Variants in LRFN5 observed in about 807,000 individuals in gnomAD.
The protein encoded by LRFN5 is leucine-rich repeat and fibronectin type-III domain-containing protein 5.
A neutral mutation model predicts 45.6 loss-of-function variants in LRFN5; 24 were observed. The observed-to-expected ratio is 0.53, with a 90% CI of 0.38 to 0.74. The LOEUF is 0.74. LRFN5 is among the 30% of genes least tolerant of loss of function. The probability of loss-of-function intolerance (pLI) is 0.00; values close to 1 mark genes in which losing one functional copy is unlikely to be tolerated. For missense variants in LRFN5, 776 were observed against 861.5 expected (o/e 0.90, Z 1.24); for synonymous variants, 340 against 313.8 (o/e 1.08, Z -0.88).
chr14:41,610,305 CTG>C (rs1200495657), intron 1 of LRFN5, among the ~76,000 whole-genome samples: 1 of 152,164 alleles, frequency 6.6e-6, no homozygotes, highest in African/African-American at 2.4e-5. Flanking sequence ...GGAAGGAAAG[CTG>C]GCTACAAAAA....
intron 1 of LRFN5, among the ~76,000 whole-genome samples, chr14:41,711,148 A>G (rs528039766): frequency 6.6e-6 from 1 of 152,300 alleles, no homozygotes; most frequent in Admixed American, 6.5e-5. Flanking sequence ...ACATCTTACT[A>G]CAAAGATGAA....
At chr14:41,747,556 C>T (rs1275929209) in intron 1 of LRFN5, among the ~76,000 whole-genome samples, 3 of 151,968 alleles carry the variant, frequency 2.0e-5, no homozygotes, top group African/African-American at 7.2e-5. Flanking sequence ...ACACTGACAA[C>T]TATAACCTCT....
At chr14:41,873,400 GGAGAA>G (rs1480800555) in intron 2 of LRFN5, among the ~76,000 whole-genome samples, 1 of 138,356 alleles carries the variant, frequency 7.2e-6, no homozygotes, top group African/African-American at 2.7e-5. Flanking sequence ...GAAAGAGAGA[GGAGAA>G]AGAGAGAGAG....
chr14:41,734,374 T>G (rs1158262427), intron 1 of LRFN5, among the ~76,000 whole-genome samples: 1 of 100,842 alleles, frequency 9.9e-6, no homozygotes, highest in Non-Finnish European at 2.1e-5. Flanking sequence ...ATTGATGAAT[T>G]GACCTTTTAT....
At chr14:41,677,782 G>A (rs1318724464) in intron 1 of LRFN5, among the ~76,000 whole-genome samples, 1 of 152,018 alleles carries the variant, frequency 6.6e-6, no homozygotes, top group African/African-American at 2.4e-5. Context: ...TATGTTGTGA[G>A]TATCAAAAGA....
At chr14:41,772,032 G>GT (rs1320336447) in intron 2 of LRFN5, among the ~76,000 whole-genome samples, 2 of 152,132 alleles carry the variant, frequency 1.3e-5, no homozygotes, top group African/African-American at 2.4e-5. Context: ...TCTGCTTTTG[G>GT]TGAGGGCCTT....
At chr14:41,682,792 TAACAAG>T (rs997877386) in intron 1 of LRFN5, among the ~76,000 whole-genome samples, 2 of 152,088 alleles carry the variant, frequency 1.3e-5, no homozygotes, top group African/African-American at 4.8e-5. Flanking sequence ...GAGCAGTAAG[TAACAAG>T]ATTAAAGACA....
chr14:41,747,383 C>A (rs1566650000), intron 1 of LRFN5, among the ~76,000 whole-genome samples: 3 of 151,958 alleles, frequency 2.0e-5, no homozygotes, highest in Admixed American at 1.3e-4. Flanking sequence ...CAAACCCTTG[C>A]ATGTGTGGAC....
intron 2 of LRFN5, among the ~76,000 whole-genome samples, chr14:41,861,100 G>A (rs1175051912): frequency 6.6e-6 from 1 of 152,062 alleles, no homozygotes; most frequent in Non-Finnish European, 1.5e-5. Context: ...AATTTAATAT[G>A]TTATCTCCCA....
At chr14:41,632,583 A>G (rs542056208) in intron 1 of LRFN5, among the ~76,000 whole-genome samples, 10 of 152,336 alleles carry the variant, frequency 6.6e-5, no homozygotes, top group East Asian at 3.9e-4. Flanking sequence ...AGCATGGGCA[A>G]TAAGAGAGAT....
At chr14:41,644,590 G>C (rs927296100) in intron 1 of LRFN5, among the ~76,000 whole-genome samples, 6 of 152,132 alleles carry the variant, frequency 3.9e-5, no homozygotes, top group Non-Finnish European at 7.4e-5. Context: ...TGTGTTTTGT[G>C]TGTGTGTGTG....
intron 1 of LRFN5, among the ~76,000 whole-genome samples, chr14:41,758,961 T>C (rs2138863537): frequency 6.6e-6 from 1 of 152,322 alleles, no homozygotes. Context: ...GTTAAAAATG[T>C]AATTTGTTGT....
chr14:41,813,660 C>T (rs185659247), intron 2 of LRFN5, among the ~76,000 whole-genome samples: 90 of 152,178 alleles, frequency 5.9e-4, no homozygotes, highest in African/African-American at 1.8e-3. Context: ...CATATGTGTG[C>T]GTGTGTCTTT....
At chr14:41,787,323 C>G (rs1284087300) in intron 2 of LRFN5, among the ~76,000 whole-genome samples, 2 of 152,034 alleles carry the variant, frequency 1.3e-5, no homozygotes, top group African/African-American at 4.8e-5. Flanking sequence ...CATTGTCCAC[C>G]TAACCCAACC....
intron 2 of LRFN5, among the ~76,000 whole-genome samples, chr14:41,882,361 T>A (rs1390122676): frequency 6.6e-6 from 1 of 152,120 alleles, no homozygotes; most frequent in Non-Finnish European, 1.5e-5. Context: ...ATCACAGGTA[T>A]CTGTATGGAA....
intron 1 of LRFN5, among the ~76,000 whole-genome samples, chr14:41,666,947 A>G (rs1051975633): frequency 6.6e-6 from 1 of 152,188 alleles, no homozygotes; most frequent in Admixed American, 6.5e-5. Flanking sequence ...GAATAAGAAC[A>G]TAATGATTAT....
rs1018135915 is a variant in LRFN5 at position 41,621,187 on chromosome 14, A to T, written c.-197+12625A>T. 6.6e-5 allele frequency among the ~76,000 whole-genome samples: 10 copies of T among 152,128 alleles called. No homozygotes were observed. In the East Asian group the frequency reaches 1.9e-3, roughly 29 times the overall value. ...GAAAGAGCCTTTGAAAAACAATGTC[A>T]TATCATTCTAAAGATTTTTTTCTAT... On this transcript the variant is annotated intron_variant, in intron 1 of 5. Coordinates refer to ENST00000298119, the MANE Select transcript of LRFN5 (RefSeq NM_152447.5).
At chr14:41,731,403 A>G (rs1884171511) in intron 1 of LRFN5, 1 of 152,010 alleles carries the variant, frequency 6.6e-6, no homozygotes, top group Admixed American at 6.6e-5. Context: ...TCTTGTGCTA[A>G]CTCTTCACTG....
intron 1 of LRFN5, among the ~76,000 whole-genome samples, chr14:41,679,671 C>T (rs185895946): frequency 6.6e-6 from 1 of 151,992 alleles, no homozygotes; most frequent in African/African-American, 2.4e-5. Context: ...CAGGTGTGAC[C>T]CAGCACATTC....
Sources: gnomAD v4.1 joint callset for allele counts (sites outside exome capture counted in the v4.1 genomes callset) on GRCh38, gnomAD v4.1.1 for gene constraint, MANE v1.5 for transcripts, NCBI Gene and HGNC (gene_info 2026-07-23, HGNC 2026-07-21) for gene names.